Variants in RAPGEF6 observed in about 807,000 individuals in gnomAD.
RAPGEF6 encodes PDZ domain containing guanine nucleotide exchange factor (GEF) 2.
In RAPGEF6, 56 loss-of-function variants were observed where a neutral mutation model predicts 171.4. The ratio of observed to expected loss-of-function variants is 0.33; its 90% CI spans 0.26 to 0.41. The LOEUF is 0.41. Ranked by LOEUF, RAPGEF6 falls within the 10% of genes least tolerant of loss-of-function variation. The pLI is 1.00. For missense variants in RAPGEF6, 1,674 were observed against 1,921.4 expected (o/e 0.87, Z 2.41); for synonymous variants, 692 against 650.1 (o/e 1.06, Z -0.98).
chr5:131,633,137 G>A (rs1484545576), intron 1 of RAPGEF6, among the ~76,000 whole-genome samples: 1 of 151,910 alleles, frequency 6.6e-6, no homozygotes, highest in Non-Finnish European at 1.5e-5. Context: ...TTCAAGACAA[G>A]CCTGGCCAAC....
intron 6 of RAPGEF6, among the ~76,000 whole-genome samples, chr5:131,541,037 T>C (rs1327555979): frequency 1.3e-5 from 2 of 152,212 alleles, no homozygotes; most frequent in African/African-American, 4.8e-5. Context: ...CTATTTAAAA[T>C]GAAACAACGA....
At chr5:131,520,508 T>C (rs1043305217) in intron 7 of RAPGEF6, among the ~76,000 whole-genome samples, 1 of 152,208 alleles carries the variant, frequency 6.6e-6, no homozygotes, top group Non-Finnish European at 1.5e-5. Context: ...TACTAGAAAA[T>C]TTAAAATTAA....
intron 16 of RAPGEF6, among the ~76,000 whole-genome samples, chr5:131,473,971 T>A (rs1754926526): frequency 6.6e-6 from 1 of 152,186 alleles, no homozygotes; most frequent in African/African-American, 2.4e-5. Flanking sequence ...AGCTTTGATG[T>A]CAGACAGACC....
intron 3 of RAPGEF6, among the ~76,000 whole-genome samples, chr5:131,596,638 A>G (rs1466541871): frequency 1.3e-5 from 2 of 152,132 alleles, no homozygotes; most frequent in Non-Finnish European, 2.9e-5. Context: ...TAAACAGACA[A>G]CTGATTTTCA....
intron 1 of RAPGEF6, 57 bp from the exon 2 acceptor site, chr5:131,604,750 A>G: frequency 6.5e-7 from 1 of 1,528,264 alleles, no homozygotes; most frequent in East Asian, 2.4e-5. Context: ...TTAAAATATA[A>G]GGCACCCCAC....
intron 9 of RAPGEF6, among the ~76,000 whole-genome samples, chr5:131,507,158 A>T (rs1386649601): frequency 7.9e-6 from 1 of 125,954 alleles, no homozygotes; most frequent in Non-Finnish European, 1.6e-5. Context: ...TTATATATAT[A>T]ATATATGTAA....
chr5:131,510,430 G>C lies in RAPGEF6; in HGVS notation c.689C>G (p.Ser230Cys). Reference sequence around the variant, plus strand: ...TTCATCTTCCTCTTCGTCATCCTCAGAATCAACAGGTCCTTCTGGAAGACG... The same window carrying C: ...TTCATCTTCCTCTTCGTCATCCTCACAATCAACAGGTCCTTCTGGAAGACG... Reference protein sequence around the residue: ...LTRLPEGPVDSEDDEEEDEEI... With the variant: ...LTRLPEGPVDCEDDEEEDEEI... The change falls in exon 8 of 28, where the codon TCT becomes TGT. Residue 230 changes from serine to cysteine, a missense_variant. Transcript: ENST00000509018. 1 of 1,614,038 alleles carries C rather than the reference G, an allele frequency of 6.2e-7. No homozygotes were observed. The highest frequency in any genetic ancestry group is 8.5e-7 in the Non-Finnish European group (1 of 1,179,992).
chr5:131,560,781 A>G (rs2149966108), intron 5 of RAPGEF6, among the ~76,000 whole-genome samples: 1 of 152,368 alleles, frequency 6.6e-6, no homozygotes. Context: ...GCCCTGTAAG[A>G]GCTTAAAATC....
At chr5:131,621,514 T>C (rs1765591417) in intron 1 of RAPGEF6, among the ~76,000 whole-genome samples, 1 of 152,098 alleles carries the variant, frequency 6.6e-6, no homozygotes, top group Non-Finnish European at 1.5e-5. Context: ...ACTCCTGGGC[T>C]CAAGCAGCCA....
chr5:131,541,991 T>C (rs10059807), intron 6 of RAPGEF6, among the ~76,000 whole-genome samples: 96,336 of 151,796 alleles, frequency 0.63, 32,422 homozygotes, highest in Non-Finnish European at 0.77. Flanking sequence ...AAGTGACTCA[T>C]CCAGTGACTT....
chr5:131,569,405 A>C (rs940724162), intron 4 of RAPGEF6, among the ~76,000 whole-genome samples: 2 of 152,254 alleles, frequency 1.3e-5, no homozygotes, highest in Admixed American at 6.5e-5. Context: ...ACAGAAAACA[A>C]ACACACATAT....
At chr5:131,584,535 C>G (rs1243657429) in intron 4 of RAPGEF6, among the ~76,000 whole-genome samples, 2 of 152,206 alleles carry the variant, frequency 1.3e-5, no homozygotes, top group East Asian at 3.8e-4. Flanking sequence ...GAGCTGAATT[C>G]TGCTAAGCTG....
rs902022213 is a variant in RAPGEF6 at position 131,492,731 on chromosome 5, A to G, written c.1582T>C (p.Trp528Arg). 3 of 1,614,030 alleles carry G rather than the reference A, an allele frequency of 1.9e-6. No individual in the cohort carries two copies. The highest frequency in any genetic ancestry group is 1.6e-4 in the Middle Eastern group (1 of 6,084). ...LNIACAAKAKWRQVVLQKASR... is the reference protein window; with the variant it reads ...LNIACAAKAKRRQVVLQKASR... ...GCCTTTTGCAGCACAACCTGTCTCC[A>G]CTTAGCCTTTGCAGCACAGGCAATA... Residue 528 changes from tryptophan to arginine, a missense_variant, in exon 14 of 28, where the codon TGG becomes CGG. Coordinates refer to ENST00000509018, the MANE Select transcript of RAPGEF6 (RefSeq NM_016340.6).
chr5:131,534,805 A>G (rs1336694213), intron 6 of RAPGEF6, among the ~76,000 whole-genome samples: 1 of 152,136 alleles, frequency 6.6e-6, no homozygotes, highest in Non-Finnish European at 1.5e-5. Flanking sequence ...TTACACATAA[A>G]TATCAGTAGC....
intron 4 of RAPGEF6, among the ~76,000 whole-genome samples, chr5:131,580,860 G>A (rs1450137876): frequency 6.6e-6 from 1 of 152,118 alleles, no homozygotes; most frequent in Admixed American, 6.5e-5. Context: ...AACTGGAAGG[G>A]CACATGTACT....
At chr5:131,614,172 C>T (rs1765120635) in intron 1 of RAPGEF6, among the ~76,000 whole-genome samples, 1 of 147,764 alleles carries the variant, frequency 6.8e-6, no homozygotes, top group East Asian at 2.0e-4. Context: ...ATCCCAGCTA[C>T]TTGGGAGGCT....
chr5:131,440,528 A>G lies in RAPGEF6; in HGVS notation c.3611-813T>C, dbSNP rs540958782. Among the ~76,000 whole-genome samples the G allele has an allele frequency of 4.6e-5, 7 of 152,128 alleles. No individual in the cohort carries two copies. In the East Asian group the frequency reaches 1.4e-3, roughly 29 times the overall value. ...TGAGGTGGGTGGATCACCTGAAGTC[A>G]GGAGTTCGAGACCAGCCTGGCCACC... On this transcript the variant is annotated intron_variant, in intron 23 of 27. Transcript: ENST00000509018.
Position 131,629,779 on chromosome 5 carries a change from A to G in RAPGEF6, c.69+5183T>C, listed in dbSNP as rs147365115. Reference sequence around the variant, plus strand: ...AAGAAAAAGAAAAAAAAAAAAAAGGAAAGAAAAAAAAAAGAAATGAAGATG... The same window carrying G: ...AAGAAAAAGAAAAAAAAAAAAAAGGGAAGAAAAAAAAAAGAAATGAAGATG... On this transcript the variant is annotated intron_variant, in intron 1 of 27. Coordinates refer to ENST00000509018, the MANE Select transcript of RAPGEF6 (RefSeq NM_016340.6). 3.7e-3 allele frequency among the ~76,000 whole-genome samples: 559 copies of G among 151,184 alleles called. 4 individuals are homozygous for G. The highest frequency in any genetic ancestry group is 0.013 in the African/African-American group (529 of 41,198).
intron 15 of RAPGEF6, among the ~76,000 whole-genome samples, chr5:131,485,918 G>A (rs1176681067): frequency 1.3e-5 from 2 of 152,194 alleles, no homozygotes; most frequent in East Asian, 3.8e-4. Context: ...TGACTTTTAA[G>A]AGTGCCTCAT....
Sources: gnomAD v4.1 joint callset for allele counts (sites outside exome capture counted in the v4.1 genomes callset) on GRCh38, gnomAD v4.1.1 for gene constraint, MANE v1.5 for transcripts, NCBI Gene and HGNC (gene_info 2026-07-23, HGNC 2026-07-21) for gene names.